WDR7: variants seen among roughly 807,000 people sequenced by gnomAD.
WDR7 encodes the protein WD repeat-containing protein 7.
In WDR7, 46 loss-of-function variants were observed where a neutral mutation model predicts 169.4. That is an observed-to-expected ratio of 0.27 (90% CI 0.21 to 0.35). The LOEUF (loss-of-function observed/expected upper bound fraction) is 0.35, where lower values mean the gene tolerates loss of function less well. Among genes scored for constraint, WDR7 ranks in the 10% least tolerant of loss-of-function variants. The pLI is 1.00. For synonymous variants in WDR7, 612 were observed against 666.8 expected (o/e 0.92, Z 1.27); for missense variants, 1,534 against 1,859.3 (o/e 0.83, Z 3.22).
chr18:56,801,262 A>T (rs1433557598), intron 19 of WDR7, among the ~76,000 whole-genome samples: 1 of 152,190 alleles, frequency 6.6e-6, no homozygotes, highest in African/African-American at 2.4e-5. Flanking sequence ...TACCAACTAT[A>T]GTGTAGTATT....
intron 13 of WDR7, among the ~76,000 whole-genome samples, chr18:56,729,280 T>C (rs2026530565): frequency 6.6e-6 from 1 of 152,186 alleles, no homozygotes; most frequent in Non-Finnish European, 1.5e-5. Context: ...TTAATTTACT[T>C]AAAATAATCT....
At chr18:56,734,579 C>A (rs1243066973) in intron 14 of WDR7, among the ~76,000 whole-genome samples, 1 of 151,126 alleles carries the variant, frequency 6.6e-6, no homozygotes, top group Non-Finnish European at 1.5e-5. Context: ...TCTATCCTAT[C>A]CCTCTTTTCC....
At position 57,027,284 on chromosome 18, in the gene WDR7, C is replaced by T; in HGVS notation, c.*77C>T. 6.7e-7 allele frequency: 1 copy of T among 1,503,196 alleles called. No individual in the cohort carries two copies. Among genetic ancestry groups the T allele is most frequent in the Non-Finnish European group, 8.9e-7 (1 of 1,122,142 alleles). The allele number at this position is 1,503,196 out of a possible 1,614,324, so 93.1% of individuals were successfully genotyped here. ...CGATGTTGCTCTGTCCTTCCTCACA[C>T]CAGATTGTTCCCAGGGGCCTGCCCA... is the stretch of plus-strand genomic sequence containing the variant. On this transcript the variant is annotated 3_prime_UTR_variant, in exon 28 of 28. Transcript: ENST00000254442.
chr18:56,845,713 A>G (rs539541440), intron 20 of WDR7, among the ~76,000 whole-genome samples: 1 of 152,292 alleles, frequency 6.6e-6, no homozygotes, highest in South Asian at 2.1e-4. Context: ...GTAATCTCCA[A>G]TTTAAAATGG....
intron 14 of WDR7, among the ~76,000 whole-genome samples, chr18:56,739,177 G>GT (rs562489476): frequency 1.6e-3 from 237 of 151,960 alleles, no homozygotes; most frequent in African/African-American, 5.3e-3. Context: ...CCATTTCACT[G>GT]TTTTTATGTT....
chr18:57,032,801 T>TTTTATATATA (rs1555649878), downstream of WDR7: 1 of 106,192 alleles, frequency 9.4e-6, no homozygotes, highest in Non-Finnish European at 2.0e-5. Flanking sequence ...TATAATTATT[T>TTTTATATATA]TATATATATA....
chr18:56,885,021 C>T (rs2046166738), intron 21 of WDR7, among the ~76,000 whole-genome samples: 1 of 152,126 alleles, frequency 6.6e-6, no homozygotes, highest in Admixed American at 6.5e-5. Context: ...TGCTGGCTGT[C>T]TAGACCCAGA....
chr18:56,690,167 C>G (rs1221062339), intron 7 of WDR7, among the ~76,000 whole-genome samples: 4 of 152,190 alleles, frequency 2.6e-5, no homozygotes, highest in Admixed American at 6.5e-5. Flanking sequence ...AGCTTTGGCT[C>G]TATCACTTAC....
intron 1 of WDR7, among the ~76,000 whole-genome samples, chr18:56,663,606 TGCACAGC>T (rs1486330662): frequency 1.3e-5 from 2 of 151,058 alleles, no homozygotes; most frequent in African/African-American, 4.9e-5. Context: ...CACACATATA[TGCACAGC>T]ATATATACAC....
chr18:56,963,784 A>G (rs1292102671), intron 26 of WDR7, among the ~76,000 whole-genome samples: 1 of 152,162 alleles, frequency 6.6e-6, no homozygotes, highest in Non-Finnish European at 1.5e-5. Context: ...TTAAAAGTTA[A>G]ATTGCATGTT....
chr18:56,662,626 G>A (rs950202869), intron 1 of WDR7, among the ~76,000 whole-genome samples: 1 of 152,110 alleles, frequency 6.6e-6, no homozygotes, highest in Non-Finnish European at 1.5e-5. Context: ...TGCCCACAAC[G>A]TTCACTTGAG....
chr18:56,962,275 T>C (rs2047348369), intron 25 of WDR7, among the ~76,000 whole-genome samples, 155 bp from the exon 26 acceptor site: 1 of 152,268 alleles, frequency 6.6e-6, no homozygotes, highest in African/African-American at 2.4e-5. Context: ...TGAAACATTT[T>C]TGAAAAATCA....
At chr18:57,020,334 A>G (rs915533083) in intron 26 of WDR7, among the ~76,000 whole-genome samples, 1 of 152,238 alleles carries the variant, frequency 6.6e-6, no homozygotes, top group Non-Finnish European at 1.5e-5. Context: ...AGGGATTTTT[A>G]TAACGCAGCT....
At chr18:56,851,632 A>C (rs2045642018) in intron 20 of WDR7, among the ~76,000 whole-genome samples, 1 of 152,142 alleles carries the variant, frequency 6.6e-6, no homozygotes, top group African/African-American at 2.4e-5. Flanking sequence ...GACCTAGACC[A>C]AGATTTCTGA....
rs116088702 is a variant in WDR7, at chr18:56,803,190, A to G, written c.3191-12841A>G. ...AAATAATAAAGTCAGAGCACATTAC[A>G]GTGTTTATCTAATTTATTACTGTGA... On this transcript the variant is annotated intron_variant, in intron 19 of 27. Coordinates refer to ENST00000254442, the MANE Select transcript of WDR7 (RefSeq NM_015285.3). 6.4e-3 allele frequency among the ~76,000 whole-genome samples: 972 copies of G among 152,344 alleles called. 19 individuals carry two copies. Among genetic ancestry groups the G allele is most frequent in the African/African-American group, 0.022 (927 of 41,584 alleles).
chr18:56,799,004 C>T (rs867889743), intron 19 of WDR7, among the ~76,000 whole-genome samples: 2 of 152,222 alleles, frequency 1.3e-5, no homozygotes, highest in South Asian at 2.1e-4. Flanking sequence ...TATTAACTGC[C>T]AAACAGCTAT....
chr18:56,854,195 T>C lies in WDR7; in HGVS notation c.3305-25749T>C, dbSNP rs540039294. Among the ~76,000 whole-genome samples the C allele has an allele frequency of 2.2e-3, 338 of 152,306 alleles. 2 individuals are homozygous for C. Among genetic ancestry groups the C allele is most frequent in the Non-Finnish European group, 4.0e-3 (272 of 68,012 alleles). On this transcript the variant is annotated intron_variant, in intron 20 of 27. Coordinates refer to ENST00000254442, the MANE Select transcript of WDR7 (RefSeq NM_015285.3). ...CAGCAGCTGGTGTCCTCCAATTCAGTCCTCACACTGTCTGCCGGGACACAG... is the reference window on the plus strand; with the variant it reads ...CAGCAGCTGGTGTCCTCCAATTCAGCCCTCACACTGTCTGCCGGGACACAG...
chr18:56,937,321 G>A (rs530701480), intron 23 of WDR7, among the ~76,000 whole-genome samples: 1 of 152,210 alleles, frequency 6.6e-6, no homozygotes, highest in Admixed American at 6.5e-5. Context: ...AAGCCTAGGA[G>A]TTTGAGTCTA....
intron 20 of WDR7, among the ~76,000 whole-genome samples, chr18:56,843,495 T>C (rs776654093): frequency 1.3e-5 from 2 of 152,234 alleles, no homozygotes; most frequent in Non-Finnish European, 2.9e-5. Flanking sequence ...TCACTTAGCA[T>C]AGTGGCTTTA....
Sources: gnomAD v4.1 joint callset for allele counts (sites outside exome capture counted in the v4.1 genomes callset) on GRCh38, gnomAD v4.1.1 for gene constraint, MANE v1.5 for transcripts, NCBI Gene and HGNC (gene_info 2026-07-23, HGNC 2026-07-21) for gene names.